The following ARRB1 variants were observed in gnomAD, a reference collection of about 807,000 sequenced individuals.
ARRB1 encodes the protein arrestin beta 1.
A neutral mutation model predicts 56.8 loss-of-function variants in ARRB1; 21 were observed. The observed-to-expected ratio is 0.37, with a 90% confidence interval of 0.26 to 0.53. The LOEUF is 0.53. Ranked by LOEUF, ARRB1 falls within the 20% of genes least tolerant of loss-of-function variation. The probability of loss-of-function intolerance (pLI) is 0.88; values close to 1 mark genes in which losing one functional copy is unlikely to be tolerated. For synonymous variants in ARRB1, 210 were observed against 218.6 expected (o/e 0.96, Z 0.35); for missense variants, 424 against 553.7 (o/e 0.77, Z 2.35).
intron 1 of ARRB1, among the ~76,000 whole-genome samples, chr11:75,343,490 G>A (rs1400053264): frequency 3.3e-5 from 5 of 152,150 alleles, no homozygotes; most frequent in East Asian, 3.8e-4. Context: ...GATAAGAACC[G>A]CATAAAACTG....
chr11:75,293,567 G>A (rs1263160076), intron 1 of ARRB1, among the ~76,000 whole-genome samples: 3 of 152,116 alleles, frequency 2.0e-5, no homozygotes, highest in Admixed American at 6.5e-5. Flanking sequence ...GGATGCCAGA[G>A]GCAGGGTCTG....
intron 10 of ARRB1, 120 bp from the exon 11 acceptor site, chr11:75,274,331 G>C: frequency 1.4e-6 from 2 of 1,440,100 alleles, no homozygotes; most frequent in Non-Finnish European, 1.9e-6. Context: ...CCCAACCTCT[G>C]TCCCCCAGAC....
intron 1 of ARRB1, among the ~76,000 whole-genome samples, chr11:75,291,528 A>G (rs1286149367): frequency 6.6e-6 from 1 of 151,906 alleles, no homozygotes; most frequent in African/African-American, 2.4e-5. Context: ...GTAGTCCATG[A>G]CTCCCAAAAA....
At chr11:75,281,500 T>A (rs1946339322) in intron 6 of ARRB1, 1 of 346,058 alleles carries the variant, frequency 2.9e-6, no homozygotes, top group Admixed American at 4.4e-5. Context: ...CTGGGTGGCT[T>A]ATCCGGTATT....
At chr11:75,276,539 T>C (rs776598498) in intron 10 of ARRB1, among the ~76,000 whole-genome samples, 1 of 152,226 alleles carries the variant, frequency 6.6e-6, no homozygotes, top group Non-Finnish European at 1.5e-5. Context: ...CTAGGTTTCT[T>C]GTACAACGTA....
intron 12 of ARRB1, 46 bp from the exon 13 acceptor site, chr11:75,271,770 AG>A: frequency 6.5e-7 from 1 of 1,546,844 alleles, no homozygotes; most frequent in Non-Finnish European, 8.7e-7. Context: ...GAGAGAGTTC[AG>A]AGAGGAAGAA....
intron 14 of ARRB1, among the ~76,000 whole-genome samples, chr11:75,268,461 C>T (rs779937923): frequency 1.4e-5 from 2 of 140,862 alleles, no homozygotes; most frequent in Non-Finnish European, 3.0e-5. Context: ...GCTAAGATCA[C>T]GTCACTGCAC....
intron 1 of ARRB1, among the ~76,000 whole-genome samples, chr11:75,305,018 C>CTTTTTTTTTTTTTTTTTTTTTTTTT (rs35323331): frequency 4.6e-5 from 4 of 86,732 alleles, no homozygotes; most frequent in Admixed American, 1.4e-4. Flanking sequence ...TTCTTTCTTT[C>CTTTTTTTTTTTTTTTTTTTTTTTTT]TTTTTTTTTT....
intron 1 of ARRB1, among the ~76,000 whole-genome samples, chr11:75,322,326 C>T (rs1947359385): frequency 6.6e-6 from 1 of 152,114 alleles, no homozygotes; most frequent in South Asian, 2.1e-4. Flanking sequence ...GCCAACATGG[C>T]AAAACCCTGT....
Position 75,274,513 on chromosome 11 carries a change from CG to C in ARRB1, c.777-303del, listed in dbSNP as rs1349981132. On this transcript the variant is annotated intron_variant, in intron 10 of 15. Transcript: ENST00000420843. Reference sequence around the variant, plus strand: ...ATTTATTTAAAGAATTACAGCCAGCCGGGTGCAGTGGCTCACGCCTGTAATC... The same window carrying C: ...ATTTATTTAAAGAATTACAGCCAGCCGGTGCAGTGGCTCACGCCTGTAATC... The C allele has an allele frequency of 1.5e-5, 4 of 265,778 alleles. No individual in the cohort carries two copies. The East Asian group carries it at 2.3e-4, about 15-fold the overall frequency. 16.5% of individuals were successfully genotyped at this position (265,778 alleles called of 1,614,324 possible).
chr11:75,329,809 A>ATAG (rs920458592), intron 1 of ARRB1, among the ~76,000 whole-genome samples: 70 of 152,252 alleles, frequency 4.6e-4, no homozygotes, highest in African/African-American at 1.6e-3. Context: ...CCTGGGCAAC[A>ATAG]TAGTAAGACT....
At chr11:75,317,924 G>T (rs533895076) in intron 1 of ARRB1, among the ~76,000 whole-genome samples, 7 of 152,038 alleles carry the variant, frequency 4.6e-5, no homozygotes, top group Admixed American at 4.6e-4. Flanking sequence ...GTGGGCCCCG[G>T]TGCAAACTGA....
At chr11:75,288,797 G>A (rs1171473864) in intron 2 of ARRB1, among the ~76,000 whole-genome samples, 1 of 151,926 alleles carries the variant, frequency 6.6e-6, no homozygotes, top group Non-Finnish European at 1.5e-5. Context: ...TGTATTTTTA[G>A]TAGAGACAGG....
In ARRB1 at chr11:75,276,834, C is replaced by T; in HGVS notation, c.776+5G>A. On this transcript the variant is annotated splice_donor_5th_base_variant and intron_variant, in intron 10 of 15. Coordinates refer to ENST00000420843, the MANE Select transcript of ARRB1 (RefSeq NM_004041.5). Reference sequence around the variant, plus strand: ...ACGCCCAAGGCCAGACTTGTGCCCACTTACTCAGCCTCTTCCATGGCAACA... The same window carrying T: ...ACGCCCAAGGCCAGACTTGTGCCCATTTACTCAGCCTCTTCCATGGCAACA... The T allele has an allele frequency of 1.2e-6, 2 of 1,614,072 alleles. No homozygotes were observed. The highest frequency in any genetic ancestry group is 1.7e-6 in the Non-Finnish European group (2 of 1,179,874).
intron 6 of ARRB1, 169 bp downstream of exon 6, chr11:75,281,793 G>C: frequency 1.5e-6 from 1 of 671,188 alleles, no homozygotes; most frequent in Non-Finnish European, 2.6e-6. Context: ...CTGCTGCCCT[G>C]TCTGAAGAGA....
intron 1 of ARRB1, chr11:75,306,658 C>T (rs571958740): frequency 1.6e-6 from 2 of 1,287,390 alleles, no homozygotes; most frequent in East Asian, 5.6e-5. Flanking sequence ...GAGCTGGGGG[C>T]TGCAGGCAGC....
chr11:75,341,502 C>T (rs938261118), intron 1 of ARRB1, among the ~76,000 whole-genome samples: 1 of 152,114 alleles, frequency 6.6e-6, no homozygotes, highest in Non-Finnish European at 1.5e-5. Context: ...TATTATTATA[C>T]CTATTTCCCA....
chr11:75,330,932 C>A (rs1947510448), intron 1 of ARRB1, among the ~76,000 whole-genome samples: 1 of 152,228 alleles, frequency 6.6e-6, no homozygotes. Flanking sequence ...TATCCCGTGT[C>A]CCCCGTGCCA....
intron 7 of ARRB1, among the ~76,000 whole-genome samples, chr11:75,278,999 G>A (rs979847981): frequency 2.0e-5 from 3 of 152,208 alleles, no homozygotes; most frequent in Non-Finnish European, 2.9e-5. Context: ...CTGAAACAGG[G>A]ACTACATTTT....
Sources: gnomAD v4.1 joint callset for allele counts (sites outside exome capture counted in the v4.1 genomes callset) on GRCh38, gnomAD v4.1.1 for gene constraint, MANE v1.5 for transcripts, NCBI Gene and HGNC (gene_info 2026-07-23, HGNC 2026-07-21) for gene names.